TMEM183A: variants seen among roughly 807,000 people sequenced by gnomAD.
The protein encoded by TMEM183A is transmembrane protein 183A.
A neutral mutation model predicts 46.7 loss-of-function variants in TMEM183A; 21 were observed. The observed-to-expected ratio is 0.45, with a 90% CI of 0.32 to 0.65. TMEM183A has a LOEUF of 0.65. Ranked by LOEUF, TMEM183A falls within the 30% of genes least tolerant of loss-of-function variation. The pLI, the probability that TMEM183A is intolerant of heterozygous loss-of-function variation, is 0.04. For missense variants in TMEM183A, 331 were observed against 481.9 expected, an observed-to-expected ratio of 0.69 and a Z score of 2.93; for synonymous variants, 165 against 180.2, an observed-to-expected ratio of 0.92 and a Z score of 0.68.
chr1:203,011,031 ATTC>A (rs1444756072), intron 3 of TMEM183A, among the ~76,000 whole-genome samples: 1 of 152,182 alleles, frequency 6.6e-6, no homozygotes, highest in Non-Finnish European at 1.5e-5. Context: ...TCAGTATCTC[ATTC>A]TTTTTTATTC....
intron 3 of TMEM183A, among the ~76,000 whole-genome samples, chr1:203,011,319 T>C (rs1201972096): frequency 6.6e-6 from 1 of 152,200 alleles, no homozygotes; most frequent in Non-Finnish European, 1.5e-5. Context: ...GGATGTGGAT[T>C]GGTATCTATC....
chr1:203,010,506 A>C (rs933555635), intron 3 of TMEM183A, among the ~76,000 whole-genome samples: 1 of 152,188 alleles, frequency 6.6e-6, no homozygotes, highest in Admixed American at 6.5e-5. Context: ...AGATATTCCA[A>C]AATGCGGGAA....
At chr1:203,015,923 G>T (rs750610371) in intron 4 of TMEM183A, 37 bp from the exon 5 acceptor site, 6 of 1,601,784 alleles carry the variant, frequency 3.7e-6, no homozygotes, top group Non-Finnish European at 5.1e-6. Flanking sequence ...AGGAGAGACA[G>T]GTCACATATT....
intron 2 of TMEM183A, among the ~76,000 whole-genome samples, chr1:203,008,325 A>G (rs924256778): frequency 2.0e-5 from 3 of 152,060 alleles, no homozygotes; most frequent in South Asian, 4.2e-4. Context: ...TTCTCTGTAG[A>G]CCTTATGAGA....
At position 203,016,157 on chromosome 1, in the gene TMEM183A, G is replaced by A; in HGVS notation, c.708+17G>A. The A allele has an allele frequency of 6.2e-7, 1 of 1,614,050 alleles. No homozygotes were observed. Among genetic ancestry groups the A allele is most frequent in the Non-Finnish European group, 8.5e-7 (1 of 1,180,008 alleles). On this transcript the variant is annotated intron_variant, in intron 5 of 7. Coordinates refer to ENST00000367242, the MANE Select transcript of TMEM183A (RefSeq NM_138391.6). ...AATTCCAAAGTAAGTGAGAATTTGTGTTGGGGTTTGACTAATGAACTCTTG... is the reference window on the plus strand; with the variant it reads ...AATTCCAAAGTAAGTGAGAATTTGTATTGGGGTTTGACTAATGAACTCTTG...
At chr1:203,019,267 C>T (rs1033163348) in intron 6 of TMEM183A, among the ~76,000 whole-genome samples, 3 of 152,046 alleles carry the variant, frequency 2.0e-5, no homozygotes, top group South Asian at 2.1e-4. Context: ...ATACTCAATC[C>T]GAAGTGCCAT....
At chr1:203,009,316 TAGAA>T (rs1268945941) in intron 3 of TMEM183A, among the ~76,000 whole-genome samples, 1 of 152,128 alleles carries the variant, frequency 6.6e-6, no homozygotes, top group African/African-American at 2.4e-5. Context: ...TTGTGGGAAA[TAGAA>T]AAGTAGGTGA....
rs759104793 is a variant in TMEM183A, at chr1:203,008,654, T to C, written c.211T>C (p.Cys71Arg). 25 of 1,552,060 alleles carry C rather than the reference T, an allele frequency of 1.6e-5. 1 individual carries two copies. The South Asian group carries it at 2.1e-4, about 13-fold the overall frequency. ...NAVQQEVKSL[C>R]GLEASQVPAE... is the part of the protein sequence containing the mutation. ...TTATTTTCTTCTAGTAAAATCTCTT[T>C]GTGGCTTGGAAGCCTCTCAGGTTCC... Residue 71 changes from cysteine (C) to arginine (R), a missense_variant, in exon 3 of 8, where the codon TGT becomes CGT. Transcript: ENST00000367242.
chr1:203,007,616 G>A, intron 1 of TMEM183A, 42 bp downstream of exon 1: 1 of 1,530,428 alleles, frequency 6.5e-7, no homozygotes. Flanking sequence ...TTTGGGGGCT[G>A]GCGGCTGGGA....
At chr1:203,016,469 C>T (rs1003161500) in intron 5 of TMEM183A, among the ~76,000 whole-genome samples, 6 of 152,164 alleles carry the variant, frequency 3.9e-5, no homozygotes, top group Non-Finnish European at 7.3e-5. Flanking sequence ...AAATGGTAGA[C>T]GTATGCTGTA....
intron 6 of TMEM183A, among the ~76,000 whole-genome samples, chr1:203,020,462 C>T (rs569219012): frequency 1.3e-5 from 2 of 152,262 alleles, no homozygotes; most frequent in Admixed American, 6.5e-5. Flanking sequence ...AGCAGATGTT[C>T]TTTGGAGTCT....
chr1:203,016,111 A>G lies in TMEM183A; in HGVS notation c.679A>G (p.Ser227Gly), dbSNP rs745560644. The change falls in exon 5 of 8, where the codon AGC becomes GGC. Residue 227 changes from serine to glycine, a missense_variant. By Grantham distance (56) the Ser-to-Gly change is moderately conservative (BLOSUM62 0). This residue lies in a region of TMEM183A where 233 missense variants were observed against 385.8 expected (regional missense o/e 0.60). Transcript: ENST00000367242. ...RISKNPAIPESTPSTLKNSKC... is the reference protein window; with the variant it reads ...RISKNPAIPEGTPSTLKNSKC... ...CTCCAAGAATCCAGCCATTCCAGAA[A>G]GCACCCCCAGCACATTAAAGAATTC... 3 of 1,614,106 alleles carry G rather than the reference A, an allele frequency of 1.9e-6. No homozygotes were observed. The highest frequency in any genetic ancestry group is 4.5e-5 in the East Asian group (2 of 44,900).
At position 203,022,985 on chromosome 1, in the gene TMEM183A, G is replaced by A; in HGVS notation, c.1076G>A (p.Ser359Asn). 1 of 1,600,176 alleles carries A rather than the reference G, an allele frequency of 6.2e-7. No individual in the cohort carries two copies. Among genetic ancestry groups the A allele is most frequent in the Non-Finnish European group, 8.6e-7 (1 of 1,169,378 alleles). The part of the protein sequence containing the change: ...GVQVILDPVH[S>N]VRLFDWWHPQ... Reference sequence around the variant, plus strand: ...CAAGTCATCCTGGACCCAGTGCACAGCGTTCGGCTCTTTGACTGGTGGCAT... The same window carrying A: ...CAAGTCATCCTGGACCCAGTGCACAACGTTCGGCTCTTTGACTGGTGGCAT... The change falls in exon 8 of 8, where the codon AGC (serine) becomes AAC (asparagine). Residue 359 changes from serine (S) to asparagine (N), a missense_variant. By Grantham distance (46) the Ser-to-Asn change is conservative (BLOSUM62 1). Coordinates refer to ENST00000367242, the MANE Select transcript of TMEM183A (RefSeq NM_138391.6).
In TMEM183A at chr1:203,008,827, C is replaced by T. The variant is rs771251031; in HGVS notation, c.367+17C>T. 3 of 1,576,266 alleles carry T rather than the reference C, an allele frequency of 1.9e-6. No individual in the cohort carries two copies. The highest frequency in any genetic ancestry group is 3.7e-5 in the Admixed American group (2 of 53,862). On this transcript the variant is annotated intron_variant, in intron 3 of 7. Transcript: ENST00000367242. ...GACACAAAGGTATGGAGCTTGTTCT[C>T]TTTTGGTTTATTAGACCTGCCTGTG...
At position 203,007,458 on chromosome 1, in the gene TMEM183A, C is replaced by G; in HGVS notation, c.-8C>G. 2 of 1,425,460 alleles carry G rather than the reference C, an allele frequency of 1.4e-6. No individual in the cohort carries two copies. The highest frequency in any genetic ancestry group is 1.8e-6 in the Non-Finnish European group (2 of 1,086,552). 88.3% of individuals were successfully genotyped at this position (1,425,460 alleles called of 1,614,324 possible). On this transcript the variant is annotated 5_prime_UTR_variant, in exon 1 of 8. Coordinates refer to ENST00000367242, the MANE Select transcript of TMEM183A (RefSeq NM_138391.6). The stretch of plus-strand genomic sequence containing the variant: ...GCGGCTCCCGGGGCCGGCTCTCCGG[C>G]CGGAGACATGGCCCGGGGGCCCGGC...
At chr1:203,018,768 C>G (rs1657405375) in intron 6 of TMEM183A, among the ~76,000 whole-genome samples, 1 of 152,118 alleles carries the variant, frequency 6.6e-6, no homozygotes, top group Non-Finnish European at 1.5e-5. Context: ...AGGGCCTGGT[C>G]CCTTTGCTTC....
intron 4 of TMEM183A, 138 bp from the exon 5 acceptor site, chr1:203,015,822 G>T: frequency 9.1e-7 from 1 of 1,098,016 alleles, no homozygotes; most frequent in South Asian, 1.7e-5. Flanking sequence ...AAGAGGTCAA[G>T]TAGCACTGGG....
At chr1:203,011,237 CA>C (rs1284527304) in intron 3 of TMEM183A, among the ~76,000 whole-genome samples, 2 of 152,166 alleles carry the variant, frequency 1.3e-5, no homozygotes, top group African/African-American at 2.4e-5. Context: ...TTTCCACCAG[CA>C]GTGTATAAGA....
intron 4 of TMEM183A, 158 bp from the exon 5 acceptor site, chr1:203,015,801 TA>T: frequency 1.1e-6 from 1 of 883,666 alleles, no homozygotes; most frequent in Non-Finnish European, 1.7e-6. Context: ...GGCAAAGACG[TA>T]AAAGTCGCCA....
Sources: allele counts gnomAD v4.1 joint callset (sites outside exome capture counted in the v4.1 genomes callset), GRCh38; gene constraint gnomAD v4.1.1; regional missense constraint gnomAD v4.1.1; transcripts MANE v1.5; gene names NCBI Gene and HGNC (gene_info 2026-07-23, HGNC 2026-07-21).